The following MGLL variants were observed in gnomAD, a reference collection of about 807,000 sequenced individuals.
MGLL encodes the protein lysophospholipase homolog.
Under a neutral mutation model 29.1 loss-of-function variants are expected in MGLL, and 7 were observed. The observed-to-expected ratio is 0.24, with a 90% CI of 0.14 to 0.45. The LOEUF (loss-of-function observed/expected upper bound fraction) is 0.45, where lower values mean the gene tolerates loss of function less well. Among genes scored for constraint, MGLL ranks in the 20% least tolerant of loss-of-function variants. The pLI is 0.99. For synonymous variants in MGLL, 148 were observed against 168.3 expected (o/e 0.88, Z 0.93); for missense variants, 356 against 413.6 (o/e 0.86, Z 1.21).
intron 7 of MGLL, among the ~76,000 whole-genome samples, chr3:127,693,317 C>A (rs2075282885): frequency 6.6e-6 from 1 of 152,218 alleles, no homozygotes; most frequent in South Asian, 2.1e-4. Flanking sequence ...TACCCCAGCT[C>A]CTGTCTTCCC....
chr3:127,774,031 G>C (rs377675805), intron 3 of MGLL, among the ~76,000 whole-genome samples: 10 of 152,288 alleles, frequency 6.6e-5, no homozygotes, highest in African/African-American at 2.4e-4. Flanking sequence ...ACACATCACA[G>C]TATACTGCTC....
intron 3 of MGLL, among the ~76,000 whole-genome samples, chr3:127,723,447 T>C (rs1189883066): frequency 6.6e-6 from 1 of 152,092 alleles, no homozygotes; most frequent in African/African-American, 2.4e-5. Flanking sequence ...GGTCACCACC[T>C]GGAACTGACA....
Position 127,708,802 on chromosome 3 carries a change from C to T in MGLL, c.600+1774G>A, listed in dbSNP as rs757982208. Reference sequence around the variant, plus strand: ...GCAGGCAGGTGCAGGAGCCCCTGCCCCACACTGAGTTTCCCTGTCAAAGTG... The same window carrying T: ...GCAGGCAGGTGCAGGAGCCCCTGCCTCACACTGAGTTTCCCTGTCAAAGTG... On this transcript the variant is annotated intron_variant, in intron 6 of 7. Coordinates refer to ENST00000265052, the MANE Select transcript of MGLL (RefSeq NM_007283.7). Among the ~76,000 whole-genome samples the T allele has an allele frequency of 9.9e-4, 151 of 152,188 alleles. 4 individuals carry two copies. Among genetic ancestry groups the T allele is most frequent in the Non-Finnish European group, 2.9e-4 (20 of 68,036 alleles).
At chr3:127,776,991 C>T (rs983529419) in intron 3 of MGLL, among the ~76,000 whole-genome samples, 4 of 150,912 alleles carry the variant, frequency 2.7e-5, no homozygotes, top group Non-Finnish European at 4.4e-5. Context: ...GAATAGTTCC[C>T]ACGCAGGATA....
At chr3:127,747,138 G>C (rs13064150) in intron 3 of MGLL, among the ~76,000 whole-genome samples, 11,925 of 152,168 alleles carry the variant, frequency 0.078, 619 homozygotes, top group South Asian at 0.18. Context: ...CCCCTCTTCA[G>C]TACCTGCTCT....
intron 3 of MGLL, among the ~76,000 whole-genome samples, chr3:127,732,541 G>C (rs1331953850): frequency 6.6e-6 from 1 of 151,988 alleles, no homozygotes; most frequent in African/African-American, 2.4e-5. Context: ...CCCGCTGTGT[G>C]AAAACACAGG....
At position 127,721,020 on chromosome 3, in the gene MGLL, G is replaced by A. The variant is rs778852925; in HGVS notation, c.510+33C>T. ...GGAAGACCCATGTCCCGGGGAACCT[G>A]TAGGAATTGTACAGACTGGAAGGTC... On this transcript the variant is annotated intron_variant, in intron 5 of 7. Transcript: ENST00000265052. 4 of 1,577,060 alleles carry A rather than the reference G, an allele frequency of 2.5e-6. No homozygotes were observed. In the South Asian group the frequency reaches 3.3e-5, roughly 13 times the overall value.
At chr3:127,792,855 GC>G (rs1220238743) in intron 2 of MGLL, among the ~76,000 whole-genome samples, 4 of 152,214 alleles carry the variant, frequency 2.6e-5, no homozygotes, top group African/African-American at 9.6e-5. Flanking sequence ...AGCTATGCGG[GC>G]CCTTGGGAAG....
At chr3:127,746,685 G>A (rs528583163) in intron 3 of MGLL, among the ~76,000 whole-genome samples, 6 of 152,138 alleles carry the variant, frequency 3.9e-5, no homozygotes, top group African/African-American at 7.2e-5. Context: ...CTCCCTCTGC[G>A]TCCACTCCCT....
At chr3:127,759,429 C>T (rs929327911) in intron 3 of MGLL, among the ~76,000 whole-genome samples, 2 of 151,858 alleles carry the variant, frequency 1.3e-5, no homozygotes, top group Non-Finnish European at 2.9e-5. Context: ...CTCTCAGCAC[C>T]GTGCCTGGTA....
intron 3 of MGLL, among the ~76,000 whole-genome samples, chr3:127,741,783 G>A (rs1055821705): frequency 2.0e-5 from 3 of 152,234 alleles, no homozygotes; most frequent in Non-Finnish European, 2.9e-5. Flanking sequence ...AATGTAACAA[G>A]CATTTCCTAA....
intron 6 of MGLL, among the ~76,000 whole-genome samples, chr3:127,698,762 G>C (rs754106591): frequency 2.6e-5 from 4 of 152,162 alleles, no homozygotes; most frequent in African/African-American, 9.7e-5. Context: ...ACATGGAATC[G>C]CTCTGTATTA....
chr3:127,755,669 G>A (rs72973716), intron 3 of MGLL, among the ~76,000 whole-genome samples: 6,569 of 152,278 alleles, frequency 0.043, 345 homozygotes, highest in East Asian at 0.14. Context: ...TGTCTCCCCA[G>A]ATATACCGGG....
At chr3:127,750,849 G>C (rs374912842) in intron 3 of MGLL, among the ~76,000 whole-genome samples, 51 of 152,340 alleles carry the variant, frequency 3.3e-4, no homozygotes, top group African/African-American at 1.1e-3. Context: ...GACAAAACCA[G>C]CTGGCTCTGA....
At chr3:127,714,772 C>T (rs2075784007) in intron 5 of MGLL, among the ~76,000 whole-genome samples, 1 of 152,142 alleles carries the variant, frequency 6.6e-6, no homozygotes, top group Non-Finnish European at 1.5e-5. Context: ...GGTGGATACA[C>T]CATTCACAGG....
At chr3:127,729,789 T>G (rs2107638298) in intron 3 of MGLL, among the ~76,000 whole-genome samples, 1 of 152,324 alleles carries the variant, frequency 6.6e-6, no homozygotes, top group African/African-American at 2.4e-5. Context: ...TATAGGAGCC[T>G]GCCCTTGACA....
chr3:127,721,684 G>T (rs762299407), intron 4 of MGLL, among the ~76,000 whole-genome samples: 3 of 152,136 alleles, frequency 2.0e-5, no homozygotes, highest in African/African-American at 7.2e-5. Context: ...AAGCACAAAG[G>T]TGCTTAAAAG....
chr3:127,805,883 G>A lies in MGLL; in HGVS notation c.155+15811C>T, dbSNP rs571009758. Among the ~76,000 whole-genome samples the A allele has an allele frequency of 1.2e-4, 19 of 152,296 alleles. No individual in the cohort carries two copies. In the East Asian group the frequency reaches 2.3e-3, roughly 19 times the overall value. ...AGGTTTGGGCCTTCCAAAGAGATTCGTTTCCTGCCCCTTTCCAAAGGTGAT... is the reference window on the plus strand; with the variant it reads ...AGGTTTGGGCCTTCCAAAGAGATTCATTTCCTGCCCCTTTCCAAAGGTGAT... On this transcript the variant is annotated intron_variant, in intron 2 of 7. Transcript: ENST00000265052.
At chr3:127,725,347 T>C (rs1421464915) in intron 3 of MGLL, among the ~76,000 whole-genome samples, 1 of 152,236 alleles carries the variant, frequency 6.6e-6, no homozygotes, top group Admixed American at 6.5e-5. Context: ...TTAAAAGACA[T>C]TTGATTCACA....
Sources: allele counts gnomAD v4.1 joint callset (sites outside exome capture counted in the v4.1 genomes callset), GRCh38; gene constraint gnomAD v4.1.1; transcripts MANE v1.5; gene names NCBI Gene and HGNC (gene_info 2026-07-23, HGNC 2026-07-21).